Variants in ZBBX observed in about 807,000 individuals in gnomAD.
The protein encoded by ZBBX is zinc finger B-box domain containing.
A neutral mutation model predicts 108.5 loss-of-function variants in ZBBX; 101 were observed. That is an observed-to-expected ratio of 0.93 (90% CI 0.79 to 1.10). The LOEUF (loss-of-function observed/expected upper bound fraction) is 1.10. Ranked by LOEUF, ZBBX falls within the 50% of genes least tolerant of loss-of-function variation. The pLI is 0.00. For missense variants in ZBBX, 1,009 were observed against 941.4 expected (o/e 1.07, Z -0.94); for synonymous variants, 356 against 323.4 (o/e 1.10, Z -1.08).
At chr3:167,327,283 C>T (rs773979151) in intron 11 of ZBBX, among the ~76,000 whole-genome samples, 2 of 151,674 alleles carry the variant, frequency 1.3e-5, no homozygotes, top group African/African-American at 2.4e-5. Context: ...TCCTCTTTAT[C>T]TCACAGACTC....
chr3:167,348,357 A>AAAGAAAG (rs1553832901), intron 9 of ZBBX, among the ~76,000 whole-genome samples: 154 of 62,282 alleles, frequency 2.5e-3, no homozygotes, highest in African/African-American at 8.6e-3. Flanking sequence ...AGAAAGAAAG[A>AAAGAAAG]AAGAAAGAAA....
chr3:167,205,082 A>G, the ZBBX span, among the ~76,000 whole-genome samples: 1 of 152,168 alleles, frequency 6.6e-6, no homozygotes, highest in Admixed American at 6.6e-5. Flanking sequence ...TAACCCAGGT[A>G]TTAGAAATTT....
At chr3:167,353,481 T>C (rs888506388) in intron 8 of ZBBX, among the ~76,000 whole-genome samples, 7 of 151,558 alleles carry the variant, frequency 4.6e-5, no homozygotes, top group South Asian at 2.1e-4. Flanking sequence ...AGTAGAAAAA[T>C]AGACACTGGA....
intron 11 of ZBBX, among the ~76,000 whole-genome samples, chr3:167,326,574 A>G (rs1737413098): frequency 6.6e-6 from 1 of 152,132 alleles, no homozygotes; most frequent in Non-Finnish European, 1.5e-5. Context: ...AAAGCAGACA[A>G]AGAAGAATTT....
intron 16 of ZBBX, among the ~76,000 whole-genome samples, chr3:167,311,948 G>C (rs1382720237): frequency 2.6e-5 from 4 of 152,080 alleles, no homozygotes. Context: ...ACCCAAATAA[G>C]TTGAAAACTT....
intron 20 of ZBBX, among the ~76,000 whole-genome samples, chr3:167,272,809 G>T (rs2108480009): frequency 6.6e-6 from 1 of 152,294 alleles, no homozygotes; most frequent in Admixed American, 6.5e-5. Context: ...AGGAAAACAA[G>T]TCTGTCATAG....
intron 1 of ZBBX, among the ~76,000 whole-genome samples, chr3:167,394,469 C>G (rs935782114): frequency 2.6e-5 from 4 of 151,704 alleles, no homozygotes; most frequent in East Asian, 1.9e-4. Flanking sequence ...TATTTTCCCC[C>G]AAAATAAGCA....
chr3:167,228,775 C>G, the ZBBX span, among the ~76,000 whole-genome samples: 1 of 151,716 alleles, frequency 6.6e-6, no homozygotes, highest in African/African-American at 2.4e-5. Flanking sequence ...GAAAGACAGC[C>G]CATGACCCCA....
At chr3:167,273,329 A>T (rs1295530473) in intron 20 of ZBBX, among the ~76,000 whole-genome samples, 2 of 152,196 alleles carry the variant, frequency 1.3e-5, no homozygotes, top group African/African-American at 4.8e-5. Context: ...AGAGGCCCAG[A>T]TCATCCCCTT....
At chr3:167,185,501 G>A in the ZBBX span, among the ~76,000 whole-genome samples, 3 of 151,934 alleles carry the variant, frequency 2.0e-5, no homozygotes, top group East Asian at 1.9e-4. Context: ...AATAAAAATC[G>A]TGGATTTTTC....
intron 20 of ZBBX, among the ~76,000 whole-genome samples, chr3:167,257,693 C>T (rs893617582): frequency 6.6e-6 from 1 of 151,930 alleles, no homozygotes; most frequent in African/African-American, 2.4e-5. Flanking sequence ...TTGATTATGG[C>T]CATTCTTTCA....
the ZBBX span, among the ~76,000 whole-genome samples, chr3:167,207,862 G>A: frequency 4.6e-5 from 7 of 152,096 alleles, no homozygotes; most frequent in Non-Finnish European, 7.4e-5. Context: ...AAAATCAGTT[G>A]AGCAATCACA....
At chr3:167,202,359 C>T in the ZBBX span, among the ~76,000 whole-genome samples, 1 of 152,132 alleles carries the variant, frequency 6.6e-6, no homozygotes, top group African/African-American at 2.4e-5. Flanking sequence ...CGCTGAGAAA[C>T]AGCTATTGGA....
chr3:167,361,256 T>C (rs1264851323), intron 6 of ZBBX, among the ~76,000 whole-genome samples: 2 of 152,074 alleles, frequency 1.3e-5, no homozygotes, highest in African/African-American at 4.8e-5. Flanking sequence ...TCCTAAATAT[T>C]AGCCAAAAAA....
the ZBBX span, among the ~76,000 whole-genome samples, chr3:167,233,107 C>G: frequency 2.0e-5 from 3 of 151,786 alleles, no homozygotes; most frequent in African/African-American, 7.3e-5. Flanking sequence ...GCATACCAGA[C>G]CCACTGCAAT....
chr3:167,357,741 G>T (rs992706801), intron 8 of ZBBX, among the ~76,000 whole-genome samples: 1 of 151,974 alleles, frequency 6.6e-6, no homozygotes, highest in African/African-American at 2.4e-5. Context: ...GTTTATTGCG[G>T]CACTATTCAC....
the ZBBX span, among the ~76,000 whole-genome samples, chr3:167,183,504 G>T: frequency 6.6e-6 from 1 of 152,222 alleles, no homozygotes; most frequent in Non-Finnish European, 1.5e-5. Flanking sequence ...TATAGAGTGC[G>T]GAGTGGGAAT....
chr3:167,192,692 T>C, the ZBBX span, among the ~76,000 whole-genome samples: 2 of 152,204 alleles, frequency 1.3e-5, no homozygotes, highest in African/African-American at 2.4e-5. Flanking sequence ...CTATGCATTT[T>C]CAAATAGCCT....
At chr3:167,405,585 A>G (rs889840514) in intron 1 of ZBBX, among the ~76,000 whole-genome samples, 1 of 152,194 alleles carries the variant, frequency 6.6e-6, no homozygotes, top group Non-Finnish European at 1.5e-5. Flanking sequence ...ATTGAAAACA[A>G]TAAAAATATG....
Sources: gnomAD v4.1 joint callset for allele counts (sites outside exome capture counted in the v4.1 genomes callset) on GRCh38, gnomAD v4.1.1 for gene constraint, MANE v1.5 for transcripts, NCBI Gene and HGNC (gene_info 2026-07-23, HGNC 2026-07-21) for gene names.